PCDHGB3: variants seen among roughly 807,000 people sequenced by gnomAD.
The protein encoded by PCDHGB3 is protocadherin gamma-B3.
In PCDHGB3, 40 loss-of-function variants were observed where a neutral mutation model predicts 59.2. That is an observed-to-expected ratio of 0.68 (90% CI 0.52 to 0.88). The LOEUF is 0.88. Among genes scored for constraint, PCDHGB3 ranks in the 40% least tolerant of loss-of-function variants. PCDHGB3 has a pLI of 0.00. For synonymous variants in PCDHGB3, 581 were observed against 503.6 expected, an observed-to-expected ratio of 1.15 and a Z score of -2.06; for missense variants, 1,309 against 1,187.9, an observed-to-expected ratio of 1.10 and a Z score of -1.50.
intron 1 of PCDHGB3, chr5:141,385,009 T>G: frequency 6.2e-7 from 1 of 1,614,140 alleles, no homozygotes; most frequent in Non-Finnish European, 8.5e-7. Flanking sequence ...CTCCTGCGTC[T>G]TCCTAGCCTT....
Position 141,390,351 on chromosome 5 carries a change from C to T in PCDHGB3, c.2415+17542C>T, listed in dbSNP as rs1561631456. 5 of 1,558,898 alleles carry T rather than the reference C, an allele frequency of 3.2e-6. No homozygotes were observed. The Admixed American group carries it at 9.1e-5, about 28-fold the overall frequency. On this transcript the variant is annotated intron_variant, in intron 1 of 3. Transcript: ENST00000576222. ...TTCTCCATATTCACAAGAAAATATA[C>T]ATATTTGCAGGAAAATATATAATTT...
chr5:141,404,907 C>T (rs2094582940), intron 1 of PCDHGB3: 1 of 1,613,890 alleles, frequency 6.2e-7, no homozygotes. Context: ...CATGGCCAGC[C>T]CCCTCTCTCG....
In PCDHGB3 at chr5:141,490,912, AATG is replaced by A; in HGVS notation, c.2416-3892_2416-3890del. 6.2e-7 allele frequency: 1 copy of A among 1,613,644 alleles called. No homozygotes were observed. Among genetic ancestry groups the A allele is most frequent in the Non-Finnish European group, 8.5e-7 (1 of 1,179,684 alleles). On this transcript the variant is annotated intron_variant, in intron 1 of 3. Transcript: ENST00000576222. This position sits in a 1 kb window ranked among gnomAD's most constrained non-coding sequence, Gnocchi z 5.4. ...TCTGCATGTGTTTGTCCTAGACGAG[AATG>A]ATAATGCCCCAGCTGTGCTGCACCC...
At position 141,498,920 on chromosome 5, in the gene PCDHGB3, G is replaced by A. The variant is rs930391165; in HGVS notation, c.2474+4055G>A. On this transcript the variant is annotated intron_variant, in intron 2 of 3. Transcript: ENST00000576222. ...TGCACTCCAGTCTGGGTGACAGAGC[G>A]AGACTCCATCAGGAAAGAAAGAAAG... 3.3e-4 allele frequency among the ~76,000 whole-genome samples: 47 copies of A among 142,950 alleles called. 1 individual carries two copies. Among genetic ancestry groups the A allele is most frequent in the African/African-American group, 8.9e-4 (35 of 39,160 alleles). The allele number at this position is 142,950 out of a possible 152,430, so 93.8% of individuals were successfully genotyped here. A position where few individuals can be genotyped will look rare whatever the true frequency, so the allele number is the denominator to read the frequency against.
At chr5:141,415,359 G>C in intron 1 of PCDHGB3, 2 of 1,614,246 alleles carry the variant, frequency 1.2e-6, no homozygotes, top group Non-Finnish European at 1.7e-6. Flanking sequence ...AGTCACGCCT[G>C]CTGCAGGCTT....
chr5:141,478,685 A>G, intron 1 of PCDHGB3: 3 of 1,551,308 alleles, frequency 1.9e-6, no homozygotes, highest in Non-Finnish European at 2.6e-6. Context: ...GGCCCTTCCT[A>G]GATCAAAGTT....
chr5:141,432,586 C>G lies in PCDHGB3; in HGVS notation c.2415+59777C>G. 6.2e-7 allele frequency: 1 copy of G among 1,613,852 alleles called. No homozygotes were observed. The highest frequency in any genetic ancestry group is 8.5e-7 in the Non-Finnish European group (1 of 1,179,972). On this transcript the variant is annotated intron_variant, in intron 1 of 3. Transcript: ENST00000576222. The surrounding 1 kb of genome is among the most constrained non-coding windows in gnomAD (Gnocchi z 6.0). ...ACGCCTGGCTGTCCTACCGTCTGCT[C>G]AAGGCCAGCGAGCCGGGACTCTTCT...
intron 1 of PCDHGB3, chr5:141,442,166 A>G (rs2098306007): frequency 6.4e-6 from 1 of 156,354 alleles, no homozygotes; most frequent in Non-Finnish European, 1.4e-5. Flanking sequence ...TCACTCTGCA[A>G]AGCTACAGCC....
intron 1 of PCDHGB3, among the ~76,000 whole-genome samples, chr5:141,488,261 G>T (rs993627373): frequency 6.6e-6 from 1 of 152,148 alleles, no homozygotes; most frequent in Non-Finnish European, 1.5e-5. Flanking sequence ...GGTTGGGGCG[G>T]GTTGGTCATC....
chr5:141,413,994 G>A, intron 1 of PCDHGB3: 1 of 1,613,422 alleles, frequency 6.2e-7, no homozygotes, highest in Non-Finnish European at 8.5e-7. Context: ...CCACCGACAG[G>A]GACGAAGGTG....
rs185280755 is a variant in PCDHGB3 at position 141,476,824 on chromosome 5, C to T, written c.2416-17983C>T. Reference sequence around the variant, plus strand: ...TGCCTATTCACATCAAGGTGCTGGACGCGAATGACAATGCGCCTGTCTTCA... The same window carrying T: ...TGCCTATTCACATCAAGGTGCTGGATGCGAATGACAATGCGCCTGTCTTCA... On this transcript the variant is annotated intron_variant, in intron 1 of 3. Transcript: ENST00000576222. This position sits in a 1 kb window ranked among gnomAD's most constrained non-coding sequence, Gnocchi z 7.6. 24 of 1,613,588 alleles carry T rather than the reference C, an allele frequency of 1.5e-5. No homozygotes were observed. The East Asian group carries it at 4.5e-4, about 30-fold the overall frequency.
chr5:141,376,297 G>A (rs1283407370), intron 1 of PCDHGB3: 4 of 1,614,068 alleles, frequency 2.5e-6, no homozygotes, highest in Admixed American at 3.3e-5. Flanking sequence ...TGCCCGGCTC[G>A]CACTTTGTGG....
Position 141,375,486 on chromosome 5 carries a change from G to A in PCDHGB3, c.2415+2677G>A, listed in dbSNP as rs1193457334. Reference sequence around the variant, plus strand: ...TATGTCCTTGAAAACAACCCCAGGGGTGCCTCCATCTTCTCTGTGAATGCA... The same window carrying A: ...TATGTCCTTGAAAACAACCCCAGGGATGCCTCCATCTTCTCTGTGAATGCA... On this transcript the variant is annotated intron_variant, in intron 1 of 3. Transcript: ENST00000576222. 9.3e-6 allele frequency: 15 copies of A among 1,613,796 alleles called. No individual in the cohort carries two copies. The Admixed American group carries it at 1.7e-4, about 18-fold the overall frequency.
rs780380650 is a variant in PCDHGB3 at position 141,432,715 on chromosome 5, C to G, written c.2415+59906C>G. 2.5e-6 allele frequency: 4 copies of G among 1,613,996 alleles called. No homozygotes were observed. Among genetic ancestry groups the G allele is most frequent in the Non-Finnish European group, 3.4e-6 (4 of 1,179,970 alleles). On this transcript the variant is annotated intron_variant, in intron 1 of 3. Transcript: ENST00000576222. The surrounding 1 kb of genome is among the most constrained non-coding windows in gnomAD (Gnocchi z 6.0). ...TGGCCGTCCAGGACCACGGCCAGCC[C>G]CCTCTCTCCGCCACTGTCACGCTCA... is the stretch of plus-strand genomic sequence containing the variant.
Position 141,511,256 on chromosome 5 carries a change from TTCAGGGC to T in PCDHGB3, c.*85_*91del. 6.4e-7 allele frequency: 1 copy of T among 1,563,506 alleles called. No individual in the cohort carries two copies. Among genetic ancestry groups the T allele is most frequent in the Non-Finnish European group, 8.7e-7 (1 of 1,154,422 alleles). The stretch of plus-strand genomic sequence containing the variant: ...CTTACCTGCACCCAGGCCTCAGAGT[TTCAGGGC>T]TAACCCCCAGAATACTGGTAGGGGC... On this transcript the variant is annotated 3_prime_UTR_variant, in exon 4 of 4. Coordinates refer to ENST00000576222, the MANE Select transcript of PCDHGB3 (RefSeq NM_018924.5).
chr5:141,389,910 C>T (rs1417147488), intron 1 of PCDHGB3: 21 of 1,614,080 alleles, frequency 1.3e-5, no homozygotes, highest in Non-Finnish European at 1.7e-5. Flanking sequence ...TATCACTGAC[C>T]GCCCCGACCC....
chr5:141,484,757 T>C (rs2099600412), intron 1 of PCDHGB3, among the ~76,000 whole-genome samples: 1 of 151,626 alleles, frequency 6.6e-6, no homozygotes, highest in East Asian at 1.9e-4. Flanking sequence ...AATGTATATA[T>C]ATATATATGT....
chr5:141,422,028 A>C, intron 1 of PCDHGB3: 1 of 1,611,196 alleles, frequency 6.2e-7, no homozygotes, highest in Non-Finnish European at 8.5e-7. Flanking sequence ...TGGTTAATGC[A>C]ACGGATCCAG....
At position 141,508,909 on chromosome 5, in the gene PCDHGB3, G is replaced by A. The variant is rs545345992; in HGVS notation, c.2564-2038G>A. ...GAGGGGAGGGGGCGGGGCGGTGGCG[G>A]ATCTGGCTTCCTTTTGGAGTTAATT... is the stretch of plus-strand genomic sequence containing the variant. On this transcript the variant is annotated intron_variant, in intron 3 of 3. Coordinates refer to ENST00000576222, the MANE Select transcript of PCDHGB3 (RefSeq NM_018924.5). 2.0e-5 allele frequency among the ~76,000 whole-genome samples: 3 copies of A among 152,202 alleles called. No homozygotes were observed. The South Asian group carries it at 6.2e-4, about 32-fold the overall frequency.
Sources: allele counts gnomAD v4.1 joint callset (sites outside exome capture counted in the v4.1 genomes callset), GRCh38; gene constraint gnomAD v4.1.1; non-coding constraint Gnocchi (gnomAD v3.1); transcripts MANE v1.5; gene names NCBI Gene and HGNC (gene_info 2026-07-23, HGNC 2026-07-21).